CPS1: variants seen among roughly 807,000 people sequenced by gnomAD.
CPS1 encodes the protein carbamoyl-phosphate synthase 1.
A neutral mutation model predicts 174.6 loss-of-function variants in CPS1; 109 were observed. The ratio of observed to expected loss-of-function variants is 0.62; its 90% CI spans 0.53 to 0.73. The LOEUF (loss-of-function observed/expected upper bound fraction) is 0.73, where lower values mean the gene tolerates loss of function less well. Among genes scored for constraint, CPS1 ranks in the 30% least tolerant of loss-of-function variants. The pLI, the probability that CPS1 is intolerant of heterozygous loss-of-function variation, is 0.00. For missense variants in CPS1, 1,689 were observed against 1,821.9 expected (o/e 0.93, Z 1.33); for synonymous variants, 637 against 632.0 (o/e 1.01, Z -0.12).
chr2:210,522,890 T>C (rs985450753), intron 1 of CPS1, among the ~76,000 whole-genome samples: 1 of 152,002 alleles, frequency 6.6e-6, no homozygotes, highest in African/African-American at 2.4e-5. Flanking sequence ...GTGAAAAATG[T>C]TCTGACAGAG....
Position 210,608,506 on chromosome 2 carries a change from C to T in CPS1, c.2338C>T (p.Arg780Cys), listed in dbSNP as rs748327082. Residue 780 changes from arginine (R) to cysteine (C), a missense_variant, in exon 19 of 38, where the codon CGT (arginine) becomes TGT (cysteine). By Grantham distance (180) the Arg-to-Cys change is radical. Transcript: ENST00000233072. ...VTKIPRWDLD[R>C]FHGTSSRIGS... ...CAAGATTCCCCGCTGGGATCTTGAC[C>T]GTTTTCATGGAACATCTAGCCGAAT... The T allele has an allele frequency of 3.7e-6, 6 of 1,612,166 alleles. No homozygotes were observed. Among genetic ancestry groups the T allele is most frequent in the East Asian group, 4.5e-5 (2 of 44,784 alleles).
At chr2:210,528,186 T>C (rs1574494259) in intron 1 of CPS1, among the ~76,000 whole-genome samples, 2 of 152,008 alleles carry the variant, frequency 1.3e-5, no homozygotes, top group Middle Eastern at 6.8e-3. Flanking sequence ...GTGATGATCT[T>C]GAGGCACATT....
At chr2:210,589,383 A>G (rs1039925960) in intron 7 of CPS1, among the ~76,000 whole-genome samples, 2 of 152,226 alleles carry the variant, frequency 1.3e-5, no homozygotes, top group African/African-American at 4.8e-5. Context: ...TAAGTTTTCC[A>G]TTCGAATATA....
At chr2:210,519,262 G>A (rs573317368) in intron 1 of CPS1, among the ~76,000 whole-genome samples, 1 of 152,098 alleles carries the variant, frequency 6.6e-6, no homozygotes, top group African/African-American at 2.4e-5. Flanking sequence ...CCCACTTTCT[G>A]AAACTACAGA....
intron 21 of CPS1, among the ~76,000 whole-genome samples, chr2:210,629,758 T>G (rs1699807091): frequency 6.6e-6 from 1 of 150,378 alleles, no homozygotes; most frequent in East Asian, 2.0e-4. Flanking sequence ...CATCTTAAAT[T>G]AAGAACCATG....
Position 210,600,543 on chromosome 2 carries a change from G to T in CPS1, c.1550-12G>T, listed in dbSNP as rs1389041621. 6.2e-7 allele frequency: 1 copy of T among 1,611,258 alleles called. No individual in the cohort carries two copies. Among genetic ancestry groups the T allele is most frequent in the Non-Finnish European group, 8.5e-7 (1 of 1,178,418 alleles). On this transcript the variant is annotated splice_polypyrimidine_tract_variant and intron_variant, in intron 14 of 37. Coordinates refer to ENST00000233072, the MANE Select transcript of CPS1 (RefSeq NM_001875.5). ...AGATTTTAAAAACTAATCCTATTTG[G>T]TTCTTCTTTAGGAGTGGAACTATTC...
chr2:210,662,922 C>T (rs1700969572), intron 32 of CPS1, among the ~76,000 whole-genome samples: 1 of 152,150 alleles, frequency 6.6e-6, no homozygotes, highest in Non-Finnish European at 1.5e-5. Flanking sequence ...AAGTTTTGGC[C>T]AAGAGCTCAA....
At chr2:210,514,675 A>G (rs574757698) in intron 1 of CPS1, among the ~76,000 whole-genome samples, 1 of 151,554 alleles carries the variant, frequency 6.6e-6, no homozygotes, top group African/African-American at 2.4e-5. Context: ...TTATTTCCTT[A>G]TCTTGCTTGA....
intron 1 of CPS1, among the ~76,000 whole-genome samples, chr2:210,520,924 GTT>G (rs2105987801): frequency 6.6e-6 from 1 of 152,144 alleles, no homozygotes; most frequent in South Asian, 2.1e-4. Context: ...ATGTGCAAAA[GTT>G]TTATGGGCAT....
intron 1 of CPS1, among the ~76,000 whole-genome samples, chr2:210,511,825 C>T (rs1382252946): frequency 2.0e-5 from 3 of 152,174 alleles, no homozygotes; most frequent in Admixed American, 6.6e-5. Flanking sequence ...TTTACAATTG[C>T]AGGCATATAT....
intron 21 of CPS1, chr2:210,618,245 T>C (rs1699381224): frequency 6.6e-6 from 1 of 152,094 alleles, no homozygotes; most frequent in Admixed American, 6.6e-5. Flanking sequence ...ATTTTCAATC[T>C]CCATTTTCTG....
intron 33 of CPS1, among the ~76,000 whole-genome samples, chr2:210,664,137 C>T (rs1701013212): frequency 6.6e-6 from 1 of 151,998 alleles, no homozygotes; most frequent in Non-Finnish European, 1.5e-5. Context: ...CTCTTTGTTG[C>T]TTCTTTTAAT....
chr2:210,576,573 T>A, intron 3 of CPS1, 83 bp downstream of exon 3: 3 of 1,460,888 alleles, frequency 2.1e-6, no homozygotes, highest in Middle Eastern at 1.7e-4. Context: ...ATGGCCAAAC[T>A]TTCTTCCTCA....
At chr2:210,631,882 A>G (rs981617879) in intron 21 of CPS1, among the ~76,000 whole-genome samples, 1 of 152,246 alleles carries the variant, frequency 6.6e-6, no homozygotes, top group Non-Finnish European at 1.5e-5. Context: ...ACAAATATAT[A>G]TCAAAGAACA....
chr2:210,639,084 A>G lies in CPS1; in HGVS notation c.2830-66A>G, dbSNP rs974217006. The G allele has an allele frequency of 1.0e-5, 14 of 1,339,840 alleles. No individual in the cohort carries two copies. In the African/African-American group the frequency reaches 1.9e-4, roughly 18 times the overall value. The allele number at this position is 1,339,840 out of a possible 1,614,324, so 83.0% of individuals were successfully genotyped here. A position where few individuals can be genotyped will look rare whatever the true frequency, so the allele number is the denominator to read the frequency against. Reference sequence around the variant, plus strand: ...AAGGAATATGTATATAAAGCACAAAAAATTTAGTCTTGAAAAAATTATAAT... The same window carrying G: ...AAGGAATATGTATATAAAGCACAAAGAATTTAGTCTTGAAAAAATTATAAT... On this transcript the variant is annotated intron_variant, in intron 22 of 37. Transcript: ENST00000233072.
At chr2:210,563,969 A>G (rs746545281) in intron 1 of CPS1, among the ~76,000 whole-genome samples, 3 of 152,186 alleles carry the variant, frequency 2.0e-5, no homozygotes, top group Non-Finnish European at 4.4e-5. Context: ...TCTCAGACTG[A>G]GTATTAAAGG....
At position 210,675,088 on chromosome 2, in the gene CPS1, T is replaced by C; in HGVS notation, c.4161+127T>C. On this transcript the variant is annotated intron_variant, in intron 35 of 37. Transcript: ENST00000233072. The stretch of plus-strand genomic sequence containing the variant: ...TTTGATATGAAAGGTTTAACTAACT[T>C]GGTAGTTTCAAAACTTAGAGTCAAA... 6.5e-6 allele frequency: 5 copies of C among 765,282 alleles called. No homozygotes were observed. The East Asian group carries it at 1.3e-4, about 20-fold the overall frequency. The allele number at this position is 765,282 out of a possible 1,614,324, so 47.4% of individuals were successfully genotyped here.
intron 21 of CPS1, among the ~76,000 whole-genome samples, chr2:210,635,001 TG>T (rs1700001169): frequency 6.6e-6 from 1 of 152,194 alleles, no homozygotes; most frequent in African/African-American, 2.4e-5. Flanking sequence ...TGGAGTGCAG[TG>T]GCGTGATCTC....
chr2:210,616,099 T>C (rs1699295487), intron 20 of CPS1, among the ~76,000 whole-genome samples: 2 of 152,046 alleles, frequency 1.3e-5, no homozygotes, highest in African/African-American at 2.4e-5. Flanking sequence ...TTTCTTTAAT[T>C]CCAAAGAGAT....
Sources: gnomAD v4.1 joint callset for allele counts (sites outside exome capture counted in the v4.1 genomes callset) on GRCh38, gnomAD v4.1.1 for gene constraint, MANE v1.5 for transcripts, NCBI Gene and HGNC (gene_info 2026-07-23, HGNC 2026-07-21) for gene names.